Variants in CHD7 observed in about 807,000 individuals in gnomAD.
CHD7 encodes the protein chromodomain helicase DNA binding protein 7, also known as ATP-dependent chromatin remodeler CHD7.
A neutral mutation model predicts 307.3 loss-of-function variants in CHD7; 24 were observed. The ratio of observed to expected loss-of-function variants is 0.08; its 90% CI spans 0.06 to 0.11. The LOEUF (loss-of-function observed/expected upper bound fraction) is 0.11, where lower values mean the gene tolerates loss of function less well. Among genes scored for constraint, CHD7 ranks in the 10% least tolerant of loss-of-function variants. CHD7 has a pLI of 1.00. For missense variants in CHD7, 3,106 were observed against 3,727.1 expected, an observed-to-expected ratio of 0.83 and a Z score of 4.34; for synonymous variants, 1,363 against 1,349.9, an observed-to-expected ratio of 1.01 and a Z score of -0.21.
At chr8:60,827,309 A>G (rs1804299276) in intron 13 of CHD7, among the ~76,000 whole-genome samples, 2 of 152,210 alleles carry the variant, frequency 1.3e-5, no homozygotes, top group South Asian at 4.1e-4. Context: ...TGAAATTAAT[A>G]AGTTAAAAAG....
intron 1 of CHD7, among the ~76,000 whole-genome samples, chr8:60,715,640 C>T (rs1397453100): frequency 6.6e-6 from 1 of 152,048 alleles, no homozygotes; most frequent in African/African-American, 2.4e-5. Flanking sequence ...TTGGCTTCCA[C>T]TTGGCCAAAG....
In CHD7 at chr8:60,823,910, G is replaced by T; in HGVS notation, c.3272G>T (p.Cys1091Phe). The T allele has an allele frequency of 6.2e-7, 1 of 1,613,864 alleles. No homozygotes were observed. Among genetic ancestry groups the T allele is most frequent in the Non-Finnish European group, 8.5e-7 (1 of 1,179,818 alleles). ...ITTFEMILTD[C>F]PELRNIPWRC... is the part of the protein sequence containing the mutation. Reference sequence around the variant, plus strand: ...ACATTTGAGATGATTTTGACTGATTGTCCTGAGCTGCGGAATATTCCATGG... The same window carrying T: ...ACATTTGAGATGATTTTGACTGATTTTCCTGAGCTGCGGAATATTCCATGG... The change falls in exon 13 of 38, where the codon TGT (cysteine) becomes TTT (phenylalanine). Residue 1091 changes from cysteine (C) to phenylalanine (F), a missense_variant. Around this residue, in one of 10 missense-constraint regions of CHD7, gnomAD observed 232 missense variants for 422.5 expected, o/e 0.55. Coordinates refer to ENST00000423902, the MANE Select transcript of CHD7 (RefSeq NM_017780.4).
chr8:60,820,506 G>A (rs1276081328), intron 9 of CHD7, among the ~76,000 whole-genome samples: 1 of 152,176 alleles, frequency 6.6e-6, no homozygotes, highest in Non-Finnish European at 1.5e-5. Context: ...TTCATTTAAT[G>A]TGGTACACAG....
intron 23 of CHD7, among the ~76,000 whole-genome samples, chr8:60,848,010 C>T (rs922449319): frequency 6.6e-6 from 1 of 152,100 alleles, no homozygotes; most frequent in African/African-American, 2.4e-5. Context: ...AAAAACCTGA[C>T]ATTCCATATT....
rs753559567 is a variant in CHD7 at position 60,853,029 on chromosome 8, G to T, written c.6304G>T (p.Val2102Phe). 4.4e-5 allele frequency: 71 copies of T among 1,613,882 alleles called. No individual in the cohort carries two copies. The highest frequency in any genetic ancestry group is 5.8e-5 in the Non-Finnish European group (68 of 1,179,904). ...ECGRHDRDLL[V>F]GAAKHGVSRT... ...TGGACGGCATGACCGAGACTTGCTG[G>T]TTGGTGCTGCTAAACACGGGGTCAG... Residue 2102 changes from valine to phenylalanine, a missense_variant, in exon 31 of 38, where the codon GTT (valine) becomes TTT (phenylalanine). This residue lies in a region of CHD7 where 1,030 missense variants were observed against 1,165.4 expected (regional missense o/e 0.88). Coordinates refer to ENST00000423902, the MANE Select transcript of CHD7 (RefSeq NM_017780.4).
intron 1 of CHD7, among the ~76,000 whole-genome samples, chr8:60,694,857 C>T (rs1019893076): frequency 1.3e-5 from 2 of 152,176 alleles, no homozygotes; most frequent in African/African-American, 4.8e-5. Context: ...AAATTGGAAG[C>T]TTAGACTGAG....
At chr8:60,684,020 T>C (rs1443759841) in intron 1 of CHD7, among the ~76,000 whole-genome samples, 1 of 152,208 alleles carries the variant, frequency 6.6e-6, no homozygotes, top group African/African-American at 2.4e-5. Context: ...CATAGCTAGA[T>C]TCCTGTTGCA....
At chr8:60,824,297 C>G (rs914678550) in intron 13 of CHD7, 2 of 416,744 alleles carry the variant, frequency 4.8e-6, no homozygotes, top group African/African-American at 4.1e-5. Flanking sequence ...TTCATAAATA[C>G]AGGTTGATCA....
At chr8:60,733,323 A>G (rs1278303461) in intron 1 of CHD7, among the ~76,000 whole-genome samples, 1 of 151,984 alleles carries the variant, frequency 6.6e-6, no homozygotes, top group Non-Finnish European at 1.5e-5. Flanking sequence ...ATATATAGAT[A>G]CATGTTTGTC....
intron 1 of CHD7, 33 bp from the exon 2 acceptor site, chr8:60,741,226 C>T (rs1808982718): frequency 1.2e-5 from 7 of 562,880 alleles, no homozygotes; most frequent in Non-Finnish European, 2.2e-5. Flanking sequence ...TTGTTTTCTT[C>T]CTTCTTCTCC....
intron 32 of CHD7, among the ~76,000 whole-genome samples, chr8:60,854,815 C>T (rs767729936): frequency 1.6e-4 from 25 of 152,224 alleles, no homozygotes; most frequent in Admixed American, 4.6e-4. Context: ...TACTTACCCC[C>T]GTTGTCTAGC....
chr8:60,769,987 T>C (rs1183859174), intron 2 of CHD7, among the ~76,000 whole-genome samples: 2 of 152,244 alleles, frequency 1.3e-5, no homozygotes, highest in Non-Finnish European at 2.9e-5. Context: ...TTCTGGGCTT[T>C]TTCTTCCAGT....
chr8:60,758,630 A>G (rs1449901749), intron 2 of CHD7, among the ~76,000 whole-genome samples: 1 of 152,184 alleles, frequency 6.6e-6, no homozygotes, highest in Non-Finnish European at 1.5e-5. Context: ...ATTACTGCCA[A>G]ATACTTGAGT....
chr8:60,812,276 G>A (rs1812848007), intron 7 of CHD7, among the ~76,000 whole-genome samples: 1 of 152,026 alleles, frequency 6.6e-6, no homozygotes, highest in Non-Finnish European at 1.5e-5. Flanking sequence ...ATCTATTTAG[G>A]TGCCTGATCC....
chr8:60,849,459 C>T (rs554581837), intron 25 of CHD7, among the ~76,000 whole-genome samples: 43 of 152,324 alleles, frequency 2.8e-4, no homozygotes, highest in South Asian at 1.0e-3. Flanking sequence ...GCTTCCAGCG[C>T]GGCTTCCCTT....
At chr8:60,854,631 G>A in intron 32 of CHD7, 108 bp downstream of exon 32, 4 of 955,304 alleles carry the variant, frequency 4.2e-6, no homozygotes, top group East Asian at 2.6e-5. Flanking sequence ...TTTTGACACA[G>A]TATATGAAGA....
chr8:60,852,974 A>G lies in CHD7; in HGVS notation c.6249A>G (p.Pro2083=). Residue 2083 remains proline, a synonymous_variant, in exon 31 of 38, where the codon CCA becomes CCG. Transcript: ENST00000423902. ...GAGAGAGGCTTAAGCTCTGCCAGCC[A>G]AGCTTGGATCTGCCAGAGTGGTGGG... is the stretch of plus-strand genomic sequence containing the variant. ...QLGERLKLCQ[P]SLDLPEWWEC... 1 of 1,613,984 alleles carries G rather than the reference A, an allele frequency of 6.2e-7. No homozygotes were observed. Among genetic ancestry groups the G allele is most frequent in the Non-Finnish European group, 8.5e-7 (1 of 1,179,886 alleles).
At chr8:60,713,332 C>T (rs190083439) in intron 1 of CHD7, among the ~76,000 whole-genome samples, 9 of 152,106 alleles carry the variant, frequency 5.9e-5, no homozygotes, top group South Asian at 2.1e-4. Flanking sequence ...AGGCTGTTCT[C>T]GACTCCTTAC....
At chr8:60,850,755 T>C in intron 26 of CHD7, 133 bp downstream of exon 26, 1 of 893,554 alleles carries the variant, frequency 1.1e-6, no homozygotes, top group South Asian at 1.6e-5. Flanking sequence ...ACCAGTCTAC[T>C]CTATTTGTAT....
Sources: allele counts gnomAD v4.1 joint callset (sites outside exome capture counted in the v4.1 genomes callset), GRCh38; gene constraint gnomAD v4.1.1; regional missense constraint gnomAD v4.1.1; transcripts MANE v1.5; gene names NCBI Gene and HGNC (gene_info 2026-07-23, HGNC 2026-07-21).